PFDN1: variants seen among roughly 807,000 people sequenced by gnomAD.
The protein encoded by PFDN1 is prefoldin 1.
A neutral mutation model predicts 17.3 loss-of-function variants in PFDN1; 6 were observed. That is an observed-to-expected ratio of 0.35 (90% confidence interval 0.19 to 0.69). PFDN1 has a LOEUF of 0.69. Ranked by LOEUF, PFDN1 falls within the 30% of genes least tolerant of loss-of-function variation. The pLI, the probability that PFDN1 is intolerant of heterozygous loss-of-function variation, is 0.65. For synonymous variants in PFDN1, 58 were observed against 50.1 expected, an observed-to-expected ratio of 1.16 and a Z score of -0.67; for missense variants, 113 against 146.2, an observed-to-expected ratio of 0.77 and a Z score of 1.17.
intron 3 of PFDN1, 118 bp downstream of exon 3, chr5:140,281,331 G>A (rs3777095): frequency 0.49 from 297,959 of 603,164 alleles, 75,120 homozygotes; most frequent in South Asian, 0.69. Flanking sequence ...CGTAATTATA[G>A]AAAATAAAAA....
At chr5:140,301,475 C>G (rs925054205) in intron 1 of PFDN1, among the ~76,000 whole-genome samples, 1 of 152,144 alleles carries the variant, frequency 6.6e-6, no homozygotes, top group African/African-American at 2.4e-5. Context: ...GACTGCAATG[C>G]ACAGCAAAGG....
chr5:140,281,280 T>C (rs1187852063), intron 3 of PFDN1, 169 bp downstream of exon 3: 4 of 527,614 alleles, frequency 7.6e-6, no homozygotes, highest in South Asian at 2.5e-5. Flanking sequence ...TTTGGTCTTA[T>C]ATGCGCTATG....
chr5:140,279,995 C>CAAAAAAA (rs772575762), intron 3 of PFDN1, among the ~76,000 whole-genome samples: 44 of 31,118 alleles, frequency 1.4e-3, no homozygotes, highest in African/African-American at 3.9e-3. Context: ...AACTCCGTCT[C>CAAAAAAA]AAAAAAAAAA....
intron 3 of PFDN1, among the ~76,000 whole-genome samples, chr5:140,280,146 A>G (rs1765378506): frequency 6.6e-6 from 1 of 152,070 alleles, no homozygotes; most frequent in African/African-American, 2.4e-5. Context: ...TTCAATATTC[A>G]TACACAAATG....
intron 3 of PFDN1, among the ~76,000 whole-genome samples, chr5:140,279,671 G>C (rs892194585): frequency 6.6e-6 from 1 of 151,966 alleles, no homozygotes; most frequent in African/African-American, 2.4e-5. Context: ...AAAAGTTAAT[G>C]TATACTTGTT....
chr5:140,268,626 C>G lies in PFDN1; in HGVS notation c.285+12823G>C, dbSNP rs147967315. On this transcript the variant is annotated intron_variant, in intron 3 of 3. Transcript: ENST00000261813. ...CACCACTGCACTCCAGCCTGGGTGA[C>G]AGAGTAAGACTCCATCTCAACAACA... 1.9e-3 allele frequency among the ~76,000 whole-genome samples: 292 copies of G among 152,174 alleles called. 1 individual carries two copies. The highest frequency in any genetic ancestry group is 6.8e-3 in the African/African-American group (284 of 41,512).
intron 3 of PFDN1, among the ~76,000 whole-genome samples, chr5:140,275,011 G>C (rs958340457): frequency 3.4e-5 from 5 of 146,220 alleles, no homozygotes; most frequent in Non-Finnish European, 7.5e-5. Flanking sequence ...AAAAAAAAAA[G>C]TAAAAGGAAG....
Position 140,297,478 on chromosome 5 carries a change from C to A in PFDN1, c.200+2938G>T, listed in dbSNP as rs535704387. ...TAGCCAAACAACAAACGCTATTCACCTTACATGCCCCTACAATACAGGGTC... is the reference window on the plus strand; with the variant it reads ...TAGCCAAACAACAAACGCTATTCACATTACATGCCCCTACAATACAGGGTC... On this transcript the variant is annotated intron_variant, in intron 2 of 3. Transcript: ENST00000261813. Among the ~76,000 whole-genome samples the A allele has an allele frequency of 2.6e-5, 4 of 152,316 alleles. No individual in the cohort carries two copies. The East Asian group carries it at 7.7e-4, about 29-fold the overall frequency.
intron 3 of PFDN1, among the ~76,000 whole-genome samples, chr5:140,271,125 T>C (rs980782335): frequency 6.6e-6 from 1 of 152,138 alleles, no homozygotes; most frequent in Non-Finnish European, 1.5e-5. Flanking sequence ...AGAGCATATA[T>C]GGTGGGCTTT....
chr5:140,300,280 C>T (rs1765722711), intron 2 of PFDN1, 136 bp downstream of exon 2: 2 of 629,976 alleles, frequency 3.2e-6, no homozygotes, highest in African/African-American at 1.8e-5. Context: ...CCACTCGCCT[C>T]GACCTCCCAA....
intron 2 of PFDN1, among the ~76,000 whole-genome samples, chr5:140,294,902 T>C (rs184926414): frequency 2.6e-5 from 4 of 152,098 alleles, no homozygotes; most frequent in Admixed American, 6.5e-5. Context: ...ATTTATACCA[T>C]TGTTCATTCT....
chr5:140,293,030 A>C (rs547862041), intron 2 of PFDN1: 2 of 152,218 alleles, frequency 1.3e-5, no homozygotes, highest in African/African-American at 4.8e-5. Flanking sequence ...ACTATGAGAT[A>C]AGTGGCAGCT....
At chr5:140,266,356 G>A (rs1283091419) in intron 3 of PFDN1, among the ~76,000 whole-genome samples, 1 of 152,190 alleles carries the variant, frequency 6.6e-6, no homozygotes, top group Admixed American at 6.5e-5. Context: ...ACACTGGTTT[G>A]TGACTTGAGA....
At chr5:140,279,266 T>C (rs978085330) in intron 3 of PFDN1, among the ~76,000 whole-genome samples, 6 of 152,226 alleles carry the variant, frequency 3.9e-5, no homozygotes, top group Non-Finnish European at 8.8e-5. Flanking sequence ...ATCATTTGTT[T>C]TATATTTTAT....
intron 3 of PFDN1, among the ~76,000 whole-genome samples, chr5:140,268,463 C>T (rs1282010629): frequency 2.6e-5 from 4 of 152,110 alleles, no homozygotes; most frequent in Admixed American, 1.3e-4. Context: ...GCCTGGCCAA[C>T]GTGGTGAAAC....
rs983857231 is a variant in PFDN1, at chr5:140,259,882, A to T, written c.286-13825T>A. 2.6e-5 allele frequency among the ~76,000 whole-genome samples: 4 copies of T among 152,340 alleles called. No individual in the cohort carries two copies. In the South Asian group the frequency reaches 8.3e-4, roughly 32 times the overall value. On this transcript the variant is annotated intron_variant, in intron 3 of 3. Transcript: ENST00000261813. ...TTCTTTCAAGTCAACAACAACAAAGACGAACCAATTTTAAAATAAGCAAAG... is the reference window on the plus strand; with the variant it reads ...TTCTTTCAAGTCAACAACAACAAAGTCGAACCAATTTTAAAATAAGCAAAG...
intron 3 of PFDN1, among the ~76,000 whole-genome samples, chr5:140,274,641 G>C (rs1765262294): frequency 6.6e-6 from 1 of 152,174 alleles, no homozygotes; most frequent in South Asian, 2.1e-4. Flanking sequence ...CCGTGAGTCT[G>C]TTATGAAAAT....
In PFDN1 at chr5:140,302,406, T is replaced by C. The variant is rs760964381; in HGVS notation, c.33+635A>G. On this transcript the variant is annotated intron_variant, in intron 1 of 3. Transcript: ENST00000261813. ...AAACAGGAAACCCAATTCCTTCCGATACCGGTTTTATTTGGAAAACTTTAC... is the reference window on the plus strand; with the variant it reads ...AAACAGGAAACCCAATTCCTTCCGACACCGGTTTTATTTGGAAAACTTTAC... 5.3e-5 allele frequency among the ~76,000 whole-genome samples: 8 copies of C among 152,244 alleles called. No homozygotes were observed. The South Asian group carries it at 1.0e-3, about 20-fold the overall frequency.
intron 2 of PFDN1, among the ~76,000 whole-genome samples, chr5:140,284,533 GATAAT>G (rs1261009964): frequency 1.3e-5 from 2 of 152,186 alleles, no homozygotes; most frequent in African/African-American, 2.4e-5. Flanking sequence ...GATTTATCAT[GATAAT>G]ATAAGTCTTA....
Sources: allele counts gnomAD v4.1 joint callset (sites outside exome capture counted in the v4.1 genomes callset), GRCh38; gene constraint gnomAD v4.1.1; transcripts MANE v1.5; gene names NCBI Gene and HGNC (gene_info 2026-07-23, HGNC 2026-07-21).